FAM228B: variants seen among roughly 807,000 people sequenced by gnomAD.
FAM228B encodes protein FAM228B.
In FAM228B, 38 loss-of-function variants were observed where a neutral mutation model predicts 42.6. That is an observed-to-expected ratio of 0.89 (90% confidence interval 0.69 to 1.17). The LOEUF (loss-of-function observed/expected upper bound fraction) is 1.17, where lower values mean the gene tolerates loss of function less well. Ranked by LOEUF, FAM228B falls within the 50% of genes most tolerant of loss-of-function variation. The pLI is 0.00. For missense variants in FAM228B, 344 were observed against 367.3 expected, an observed-to-expected ratio of 0.94 and a Z score of 0.52; for synonymous variants, 109 against 122.3, an observed-to-expected ratio of 0.89 and a Z score of 0.72.
intron 3 of FAM228B, among the ~76,000 whole-genome samples, chr2:24,106,347 G>C (rs1265275652): frequency 8.0e-6 from 1 of 125,754 alleles, no homozygotes; most frequent in African/African-American, 3.1e-5. Flanking sequence ...TTGAGACAGA[G>C]TTTTGCTCTG....
intron 3 of FAM228B, among the ~76,000 whole-genome samples, chr2:24,106,898 ATGAT>A (rs1437290081): frequency 6.6e-6 from 1 of 151,668 alleles, no homozygotes; most frequent in African/African-American, 2.4e-5. Flanking sequence ...ACCAGCTAAC[ATGAT>A]GACAGGATCA....
At position 24,117,800 on chromosome 2, in the gene FAM228B, G is replaced by A. The variant is rs796499964; in HGVS notation, c.-120-17319G>A. On this transcript the variant is annotated intron_variant, in intron 3 of 10. Transcript: ENST00000613899. ...GATCACGTATAATTTTTTAGATAGA[G>A]AAAAATATTTTTTTAAAAAGGAGTA... Among the ~76,000 whole-genome samples the A allele has an allele frequency of 5.9e-5, 9 of 152,196 alleles. 1 individual carries two copies. The highest frequency in any genetic ancestry group is 2.2e-4 in the African/African-American group (9 of 41,538).
In FAM228B at chr2:24,139,458, A is replaced by G; in HGVS notation, c.441+8A>G. On this transcript the variant is annotated splice_region_variant and intron_variant, in intron 5 of 10. Transcript: ENST00000615575. Reference sequence around the variant, plus strand: ...GACCCCAATTTTCTGAAGGTAGGGTAGATTTCTTTTTTTTAACTTTGGTAT... The same window carrying G: ...GACCCCAATTTTCTGAAGGTAGGGTGGATTTCTTTTTTTTAACTTTGGTAT... 2.0e-6 allele frequency: 3 copies of G among 1,523,566 alleles called. No homozygotes were observed. Among genetic ancestry groups the G allele is most frequent in the Non-Finnish European group, 2.7e-6 (3 of 1,123,070 alleles). 94.4% of individuals were successfully genotyped at this position (1,523,566 alleles called of 1,614,324 possible).
chr2:24,096,503 C>T (rs953324986), intron 3 of FAM228B: 4 of 152,012 alleles, frequency 2.6e-5, no homozygotes, highest in Non-Finnish European at 4.4e-5. Flanking sequence ...CTTCAATAGC[C>T]GATTCGATCA....
At chr2:24,110,048 G>C (rs532535889) in intron 3 of FAM228B, among the ~76,000 whole-genome samples, 36 of 152,236 alleles carry the variant, frequency 2.4e-4, no homozygotes, top group Non-Finnish European at 4.4e-4. Context: ...CCTATCAATG[G>C]TAGACAGGAT....
chr2:24,137,856 G>T, intron 3 of FAM228B, 53 bp from the exon 4 acceptor site: 2 of 1,344,664 alleles, frequency 1.5e-6, no homozygotes, highest in African/African-American at 1.5e-5. Flanking sequence ...GAAAATTTTA[G>T]AACAAGAAAG....
At chr2:24,127,835 G>A (rs1666354369) in intron 2 of FAM228B, among the ~76,000 whole-genome samples, 2 of 152,034 alleles carry the variant, frequency 1.3e-5, no homozygotes, top group South Asian at 4.1e-4. Flanking sequence ...GCTAATTTTT[G>A]TATTTTTAGA....
chr2:24,085,466 C>T (rs991946411), intron 2 of FAM228B, among the ~76,000 whole-genome samples: 4 of 152,132 alleles, frequency 2.6e-5, no homozygotes, highest in African/African-American at 9.7e-5. Context: ...GGCCTCCCCC[C>T]ACTACATATC....
chr2:24,077,521 TC>T lies in FAM228B; in HGVS notation c.-290+554del. ...CTTGGCCTGTCTATTGTGAATCTTC[TC>T]CAGGTTTGCTCTGGAAAGGCCTGGG... On this transcript the variant is annotated intron_variant, in intron 1 of 10. Transcript: ENST00000613899. The surrounding 1 kb of genome is among the most constrained non-coding windows in gnomAD (Gnocchi z 5.5). 2 of 1,536,996 alleles carry T rather than the reference TC, an allele frequency of 1.3e-6. No homozygotes were observed. The highest frequency in any genetic ancestry group is 1.2e-5 in the South Asian group (1 of 81,882).
chr2:24,090,134 G>A (rs1454851427), intron 2 of FAM228B, among the ~76,000 whole-genome samples: 1 of 152,024 alleles, frequency 6.6e-6, no homozygotes, highest in Non-Finnish European at 1.5e-5. Context: ...CCGGGGTGGT[G>A]GCTGGCGCCT....
chr2:24,157,610 T>A (rs1471723612), intron 7 of FAM228B, among the ~76,000 whole-genome samples: 1 of 151,968 alleles, frequency 6.6e-6, no homozygotes, highest in Non-Finnish European at 1.5e-5. Context: ...TGGTGGTGCA[T>A]GCCTGTAATT....
intron 7 of FAM228B, among the ~76,000 whole-genome samples, chr2:24,152,714 T>C (rs1330413690): frequency 6.6e-6 from 1 of 152,198 alleles, no homozygotes; most frequent in African/African-American, 2.4e-5. Flanking sequence ...TGGTGCCGCA[T>C]TGGGTCAGAC....
intron 3 of FAM228B, among the ~76,000 whole-genome samples, chr2:24,098,152 A>G (rs1458587206): frequency 6.6e-6 from 1 of 152,226 alleles, no homozygotes; most frequent in Non-Finnish European, 1.5e-5. Flanking sequence ...AGGGAAATTT[A>G]TAGCACTAAA....
At chr2:24,103,060 T>C (rs1665636665) in intron 3 of FAM228B, among the ~76,000 whole-genome samples, 1 of 152,222 alleles carries the variant, frequency 6.6e-6, no homozygotes, top group Admixed American at 6.5e-5. Context: ...CTTTTTTTGC[T>C]TTACTCTCAT....
intron 5 of FAM228B, among the ~76,000 whole-genome samples, chr2:24,141,669 C>T (rs186739261): frequency 1.3e-4 from 20 of 152,314 alleles, no homozygotes; most frequent in East Asian, 1.9e-4. Context: ...TGAGCCACCG[C>T]GCCTGGCCTA....
chr2:24,086,909 A>G (rs1381287558), intron 2 of FAM228B, among the ~76,000 whole-genome samples: 1 of 152,252 alleles, frequency 6.6e-6, no homozygotes, highest in African/African-American at 2.4e-5. Flanking sequence ...AATAGTTGTA[A>G]ATAACAAACT....
chr2:24,140,992 G>A (rs972293179), intron 5 of FAM228B, among the ~76,000 whole-genome samples: 2 of 151,378 alleles, frequency 1.3e-5, no homozygotes, highest in African/African-American at 4.8e-5. Flanking sequence ...AAAATTTTAT[G>A]GCTGAAAAAA....
chr2:24,125,905 A>G (rs1029732592), intron 2 of FAM228B, among the ~76,000 whole-genome samples: 3 of 152,190 alleles, frequency 2.0e-5, no homozygotes, highest in Non-Finnish European at 4.4e-5. Flanking sequence ...TAAAAATTGT[A>G]TACAAATGGA....
chr2:24,136,364 T>C (rs1666587597), intron 3 of FAM228B, among the ~76,000 whole-genome samples: 1 of 152,152 alleles, frequency 6.6e-6, no homozygotes, highest in Non-Finnish European at 1.5e-5. Flanking sequence ...GCTGGGATTA[T>C]AGGCACGTGC....
Sources: allele counts gnomAD v4.1 joint callset (sites outside exome capture counted in the v4.1 genomes callset), GRCh38; gene constraint gnomAD v4.1.1; non-coding constraint Gnocchi (gnomAD v3.1); transcripts MANE v1.5; gene names NCBI Gene and HGNC (gene_info 2026-07-23, HGNC 2026-07-21).